Variants in DLG2 observed in about 807,000 individuals in gnomAD.
The protein encoded by DLG2 is discs large MAGUK scaffold protein 2, also known as disks large homolog 2.
A neutral mutation model predicts 132.5 loss-of-function variants in DLG2; 45 were observed. That is an observed-to-expected ratio of 0.34 (90% CI 0.27 to 0.44). DLG2 has a LOEUF of 0.44. Ranked by LOEUF, DLG2 falls within the 20% of genes least tolerant of loss-of-function variation. The pLI is 1.00. For missense variants in DLG2, 1,045 were observed against 1,196.9 expected, an observed-to-expected ratio of 0.87 and a Z score of 1.87; for synonymous variants, 424 against 419.6, an observed-to-expected ratio of 1.01 and a Z score of -0.13.
At chr11:83,925,136 G>C (rs904168712) in intron 15 of DLG2, among the ~76,000 whole-genome samples, 3 of 152,064 alleles carry the variant, frequency 2.0e-5, no homozygotes, top group African/African-American at 7.2e-5. Context: ...ACCTAACTTA[G>C]AAGTGTTACA....
intron 3 of DLG2, among the ~76,000 whole-genome samples, chr11:85,312,931 G>T (rs1047641237): frequency 6.6e-6 from 1 of 151,788 alleles, no homozygotes; most frequent in Non-Finnish European, 1.5e-5. Context: ...CACTCTTTAG[G>T]AACTATGGCA....
At chr11:85,306,356 A>G (rs948508667) in intron 3 of DLG2, among the ~76,000 whole-genome samples, 1 of 152,184 alleles carries the variant, frequency 6.6e-6, no homozygotes, top group Non-Finnish European at 1.5e-5. Context: ...CTTACATTCT[A>G]TAAAATGCCT....
chr11:84,745,287 T>C (rs920390764), intron 6 of DLG2, among the ~76,000 whole-genome samples: 3 of 152,224 alleles, frequency 2.0e-5, no homozygotes, highest in African/African-American at 4.8e-5. Flanking sequence ...TGGTTTCTTA[T>C]AAATGGTTTA....
chr11:85,496,096 T>C (rs1020264243), intron 3 of DLG2, among the ~76,000 whole-genome samples: 7 of 152,152 alleles, frequency 4.6e-5, no homozygotes, highest in East Asian at 1.9e-4. Context: ...CAGGGCACGG[T>C]GTCACATCAC....
chr11:83,483,377 A>G, intron 22 of DLG2: 1 of 1,055,374 alleles, frequency 9.5e-7, no homozygotes, highest in East Asian at 2.4e-5. Flanking sequence ...AGTGGAGTTG[A>G]AATGAATACT....
chr11:84,086,671 G>T (rs1426290139), intron 10 of DLG2, among the ~76,000 whole-genome samples: 1 of 151,548 alleles, frequency 6.6e-6, no homozygotes, highest in Non-Finnish European at 1.5e-5. Flanking sequence ...TGTATTTTTT[G>T]CAGAGATGAG....
intron 7 of DLG2, among the ~76,000 whole-genome samples, chr11:84,514,608 A>C (rs1162087604): frequency 6.6e-6 from 1 of 151,970 alleles, no homozygotes; most frequent in Non-Finnish European, 1.5e-5. Flanking sequence ...ATAACAATTG[A>C]ACTCATGGAT....
At chr11:84,250,502 A>G (rs1029669660) in intron 8 of DLG2, among the ~76,000 whole-genome samples, 18 of 152,282 alleles carry the variant, frequency 1.2e-4, no homozygotes, top group African/African-American at 4.3e-4. Flanking sequence ...CCTGTCTAGC[A>G]TGCATCTGTG....
At chr11:85,413,649 G>C (rs552338782) in intron 3 of DLG2, among the ~76,000 whole-genome samples, 1 of 151,976 alleles carries the variant, frequency 6.6e-6, no homozygotes, top group African/African-American at 2.4e-5. Context: ...AGCACCATTT[G>C]TTGAAAAAGG....
At chr11:84,172,441 C>T (rs1429494996) in intron 8 of DLG2, among the ~76,000 whole-genome samples, 2 of 152,104 alleles carry the variant, frequency 1.3e-5, no homozygotes, top group African/African-American at 4.8e-5. Flanking sequence ...ATTACAAAAA[C>T]TTCCGAGCTC....
chr11:84,560,346 A>G (rs1298989878), intron 6 of DLG2, among the ~76,000 whole-genome samples: 2 of 152,130 alleles, frequency 1.3e-5, no homozygotes, highest in African/African-American at 4.8e-5. Flanking sequence ...CTCAGTCCCC[A>G]TTAGGAGGGC....
chr11:84,412,477 A>T (rs2098911779), intron 7 of DLG2, among the ~76,000 whole-genome samples: 1 of 152,246 alleles, frequency 6.6e-6, no homozygotes, highest in African/African-American at 2.4e-5. Flanking sequence ...AACCTGAAGA[A>T]GCAATTAATA....
chr11:85,238,107 C>T (rs1370216902), intron 4 of DLG2, among the ~76,000 whole-genome samples: 4 of 151,756 alleles, frequency 2.6e-5, no homozygotes, highest in African/African-American at 7.3e-5. Context: ...CCTGTTTCCT[C>T]AATGATTTTC....
intron 17 of DLG2, among the ~76,000 whole-genome samples, chr11:83,803,478 T>C (rs2045077844): frequency 6.6e-6 from 1 of 152,142 alleles, no homozygotes; most frequent in African/African-American, 2.4e-5. Flanking sequence ...ACTGAATCAA[T>C]ACCATTTTTC....
chr11:84,484,441 C>G (rs1280683206), intron 7 of DLG2, among the ~76,000 whole-genome samples: 1 of 152,082 alleles, frequency 6.6e-6, no homozygotes, highest in Non-Finnish European at 1.5e-5. Context: ...TTGTGGTTAT[C>G]TGAACTGGAT....
intron 17 of DLG2, among the ~76,000 whole-genome samples, chr11:83,809,213 CTT>C (rs1230506276): frequency 1.3e-5 from 2 of 152,162 alleles, no homozygotes; most frequent in African/African-American, 4.8e-5. Flanking sequence ...AAAAATAAAT[CTT>C]TCTCATTCCA....
At chr11:85,535,861 G>T (rs1297168350) in intron 3 of DLG2, among the ~76,000 whole-genome samples, 1 of 152,152 alleles carries the variant, frequency 6.6e-6, no homozygotes, top group Non-Finnish European at 1.5e-5. Flanking sequence ...AAAACATTAT[G>T]TTGGTGAAAG....
rs572737684 is a variant in DLG2, at chr11:83,529,109, C to A, written c.2193+3599G>T. ...TCACTCTGGGCTCCTCAGGACATTT[C>A]ACAATGCTCTGAAAATGCCAGCTAA... On this transcript the variant is annotated intron_variant, in intron 21 of 27. Transcript: ENST00000376104. 6.9e-4 allele frequency among the ~76,000 whole-genome samples: 105 copies of A among 152,250 alleles called. 2 individuals are homozygous for A. Among genetic ancestry groups the A allele is most frequent in the African/African-American group, 2.5e-3 (104 of 41,568 alleles).
At chr11:84,698,865 C>T (rs1395800546) in intron 6 of DLG2, among the ~76,000 whole-genome samples, 4 of 151,496 alleles carry the variant, frequency 2.6e-5, no homozygotes, top group Non-Finnish European at 5.9e-5. Flanking sequence ...TCTGAAAATA[C>T]ATTGTTATTC....
Sources: allele counts gnomAD v4.1 joint callset (sites outside exome capture counted in the v4.1 genomes callset), GRCh38; gene constraint gnomAD v4.1.1; transcripts MANE v1.5; gene names NCBI Gene and HGNC (gene_info 2026-07-23, HGNC 2026-07-21).